NKAIN3: variants seen among roughly 807,000 people sequenced by gnomAD.
The protein encoded by NKAIN3 is sodium/potassium transporting ATPase interacting 3.
A neutral mutation model predicts 30.2 loss-of-function variants in NKAIN3; 25 were observed. The ratio of observed to expected loss-of-function variants is 0.83; its 90% CI spans 0.60 to 1.16. NKAIN3 has a LOEUF of 1.16. Among genes scored for constraint, NKAIN3 ranks in the 50% most tolerant of loss-of-function variants. NKAIN3 has a pLI of 0.00. For synonymous variants in NKAIN3, 91 were observed against 89.6 expected (o/e 1.02, Z -0.09); for missense variants, 225 against 254.1 (o/e 0.89, Z 0.78).
chr8:62,475,024 T>C (rs551812386), intron 1 of NKAIN3, among the ~76,000 whole-genome samples: 2 of 152,278 alleles, frequency 1.3e-5, no homozygotes, highest in African/African-American at 4.8e-5. Context: ...TTAAAAGTCA[T>C]AGCTAAAAAG....
intron 1 of NKAIN3, among the ~76,000 whole-genome samples, chr8:62,303,110 C>G (rs1196543267): frequency 6.7e-6 from 1 of 150,356 alleles, no homozygotes; most frequent in Non-Finnish European, 1.5e-5. Context: ...TCAGTAGGGA[C>G]AATTGGGAAA....
At chr8:62,259,244 C>T (rs776100744) in intron 1 of NKAIN3, among the ~76,000 whole-genome samples, 44 of 152,058 alleles carry the variant, frequency 2.9e-4, no homozygotes, top group Non-Finnish European at 2.2e-4. Context: ...TTCTTTATTG[C>T]TTATTTTGAT....
intron 1 of NKAIN3, among the ~76,000 whole-genome samples, chr8:62,490,487 TAG>T (rs1171746521): frequency 6.6e-6 from 1 of 152,182 alleles, no homozygotes; most frequent in Non-Finnish European, 1.5e-5. Flanking sequence ...TTAGAAAATA[TAG>T]ACACTAATAA....
chr8:62,869,675 T>G (rs1029496176), intron 4 of NKAIN3, among the ~76,000 whole-genome samples: 2 of 152,172 alleles, frequency 1.3e-5, no homozygotes, highest in Non-Finnish European at 2.9e-5. Context: ...CAGCAACCCC[T>G]TGCGGGGGGT....
chr8:62,653,186 G>T lies in NKAIN3; in HGVS notation c.273+63392G>T, dbSNP rs920503154. Among the ~76,000 whole-genome samples the T allele has an allele frequency of 3.3e-5, 5 of 152,154 alleles. No homozygotes were observed. In the East Asian group the frequency reaches 9.6e-4, roughly 29 times the overall value. On this transcript the variant is annotated intron_variant, in intron 3 of 6. Transcript: ENST00000623646. The stretch of plus-strand genomic sequence containing the variant: ...AAATGTATTTTCCCAAAGGTCTGGA[G>T]GCTAGAATCTGAGATTAGGGTGCCA...
chr8:62,612,217 T>G (rs1316063538), intron 3 of NKAIN3, among the ~76,000 whole-genome samples: 2 of 152,012 alleles, frequency 1.3e-5, no homozygotes, highest in African/African-American at 4.8e-5. Flanking sequence ...TTTGCAAATG[T>G]TTTCTCCAGC....
intron 4 of NKAIN3, among the ~76,000 whole-genome samples, chr8:62,824,703 C>T (rs1818964951): frequency 6.6e-6 from 1 of 152,170 alleles, no homozygotes; most frequent in African/African-American, 2.4e-5. Context: ...GTCCTCTCCA[C>T]TATATTTCAC....
rs181329149 is a variant in NKAIN3, at chr8:62,983,284, G to A, written c.*17877G>A. The A allele has an allele frequency of 3.3e-4, 50 of 152,282 alleles. No individual in the cohort carries two copies. Among genetic ancestry groups the A allele is most frequent in the African/African-American group, 1.2e-3 (49 of 41,574 alleles). The allele number at this position is 152,282 out of a possible 1,614,324, so 9.4% of individuals were successfully genotyped here. On this transcript the variant is annotated 3_prime_UTR_variant, in exon 7 of 7. Transcript: ENST00000623646. ...CCCACCGGGAGCTCCTAGTCCAGTG[G>A]TGAAGAGGTGTATTAACCCTCAAGG...
intron 1 of NKAIN3, among the ~76,000 whole-genome samples, chr8:62,315,746 T>A (rs532739190): frequency 2.0e-5 from 3 of 152,300 alleles, no homozygotes; most frequent in Non-Finnish European, 2.9e-5. Flanking sequence ...AATTGATATA[T>A]TTTTTATCAA....
At chr8:62,599,826 GA>G (rs1267394959) in intron 3 of NKAIN3, among the ~76,000 whole-genome samples, 2 of 151,924 alleles carry the variant, frequency 1.3e-5, no homozygotes, top group Non-Finnish European at 2.9e-5. Flanking sequence ...CTTCCCCTAG[GA>G]GTACTTTAAG....
chr8:62,863,276 G>T, intron 4 of NKAIN3: 2 of 1,553,618 alleles, frequency 1.3e-6, no homozygotes, highest in South Asian at 1.1e-5. Context: ...TTTCCTATAG[G>T]TTTCTGCTGT....
chr8:62,815,718 C>T (rs4610739), intron 4 of NKAIN3, among the ~76,000 whole-genome samples: 4 of 151,966 alleles, frequency 2.6e-5, no homozygotes, highest in Non-Finnish European at 2.9e-5. Context: ...TGGGACCTAT[C>T]TCAAAATAAT....
chr8:62,453,737 T>C (rs1805721915), intron 1 of NKAIN3, among the ~76,000 whole-genome samples: 1 of 152,150 alleles, frequency 6.6e-6, no homozygotes, highest in Non-Finnish European at 1.5e-5. Context: ...CCTCAGAGAC[T>C]GTTATAAGCA....
At chr8:62,626,346 G>C (rs894436965) in intron 3 of NKAIN3, among the ~76,000 whole-genome samples, 1 of 152,112 alleles carries the variant, frequency 6.6e-6, no homozygotes, top group Non-Finnish European at 1.5e-5. Flanking sequence ...TGCTGTGAGT[G>C]GGGAGGCTGA....
At chr8:62,686,064 C>T (rs913138732) in intron 3 of NKAIN3, among the ~76,000 whole-genome samples, 8 of 152,124 alleles carry the variant, frequency 5.3e-5, no homozygotes, top group African/African-American at 1.9e-4. Context: ...AGTTAGTTGA[C>T]AGCCTGCAGC....
chr8:62,728,141 T>C (rs186542447), intron 3 of NKAIN3, among the ~76,000 whole-genome samples: 7 of 152,202 alleles, frequency 4.6e-5, no homozygotes, highest in African/African-American at 1.4e-4. Flanking sequence ...GACTTCATAC[T>C]CTTCAAAAGA....
chr8:62,557,696 G>A (rs1809450103), intron 1 of NKAIN3, among the ~76,000 whole-genome samples: 1 of 152,006 alleles, frequency 6.6e-6, no homozygotes. Flanking sequence ...TTGACCATTT[G>A]TATATCTTCT....
At chr8:62,899,039 C>A (rs1429981364) in intron 4 of NKAIN3, among the ~76,000 whole-genome samples, 9 of 152,170 alleles carry the variant, frequency 5.9e-5, no homozygotes, top group Admixed American at 5.9e-4. Context: ...AATATCATCT[C>A]AATCCAGTTA....
intron 1 of NKAIN3, among the ~76,000 whole-genome samples, chr8:62,358,578 C>T (rs1816434866): frequency 6.6e-6 from 1 of 152,118 alleles, no homozygotes; most frequent in African/African-American, 2.4e-5. Context: ...GAGATGGGCA[C>T]TGCTGAAGCC....
Sources: allele counts gnomAD v4.1 joint callset (sites outside exome capture counted in the v4.1 genomes callset), GRCh38; gene constraint gnomAD v4.1.1; transcripts MANE v1.5; gene names NCBI Gene and HGNC (gene_info 2026-07-23, HGNC 2026-07-21).